GALNTL6: variants seen among roughly 807,000 people sequenced by gnomAD.
The protein encoded by GALNTL6 is polypeptide N-acetylgalactosaminyltransferase like 6.
A neutral mutation model predicts 73.7 loss-of-function variants in GALNTL6; 46 were observed. The observed-to-expected ratio is 0.62, with a 90% CI of 0.49 to 0.80. The LOEUF is 0.80. Ranked by LOEUF, GALNTL6 falls within the 30% of genes least tolerant of loss-of-function variation. The probability of loss-of-function intolerance (pLI) is 0.00; values close to 1 mark genes in which losing one functional copy is unlikely to be tolerated. For missense variants in GALNTL6, 604 were observed against 755.0 expected (o/e 0.80, Z 2.34); for synonymous variants, 259 against 263.7 (o/e 0.98, Z 0.17).
At chr4:172,999,844 G>C (rs1751967520) in intron 10 of GALNTL6, among the ~76,000 whole-genome samples, 1 of 151,712 alleles carries the variant, frequency 6.6e-6, no homozygotes, top group Admixed American at 6.6e-5. Context: ...TTGCCAATTA[G>C]AACTAGTACC....
chr4:173,032,718 C>T (rs936791996), intron 12 of GALNTL6, among the ~76,000 whole-genome samples: 4 of 152,120 alleles, frequency 2.6e-5, no homozygotes, highest in African/African-American at 9.7e-5. Context: ...TCTGTAGAAG[C>T]AGGACTACAC....
chr4:172,455,636 T>A (rs1471128209), intron 5 of GALNTL6, among the ~76,000 whole-genome samples: 2 of 152,136 alleles, frequency 1.3e-5, no homozygotes, highest in African/African-American at 4.8e-5. Context: ...GCAAAACCAC[T>A]GTAGCCAGAC....
At chr4:173,028,895 C>G (rs1011604598) in intron 12 of GALNTL6, among the ~76,000 whole-genome samples, 3 of 152,202 alleles carry the variant, frequency 2.0e-5, no homozygotes, top group African/African-American at 7.2e-5. Context: ...AGGCACCTGC[C>G]AGGCTAAATT....
intron 5 of GALNTL6, among the ~76,000 whole-genome samples, chr4:172,804,707 T>G (rs1313661535): frequency 6.6e-6 from 1 of 152,208 alleles, no homozygotes; most frequent in African/African-American, 2.4e-5. Context: ...CTTTCTAAAC[T>G]GTGACTGCAT....
intron 5 of GALNTL6, among the ~76,000 whole-genome samples, chr4:172,799,190 G>A (rs929963716): frequency 2.0e-5 from 3 of 152,184 alleles, no homozygotes; most frequent in Admixed American, 6.5e-5. Context: ...GCTAAGATGA[G>A]AAGAGATGAG....
At chr4:172,591,566 T>C (rs1031937798) in intron 5 of GALNTL6, among the ~76,000 whole-genome samples, 1 of 152,224 alleles carries the variant, frequency 6.6e-6, no homozygotes, top group Admixed American at 6.5e-5. Context: ...TTTACTGCTA[T>C]TTTTAAAATT....
At chr4:171,881,422 G>A (rs976104036) in intron 2 of GALNTL6, among the ~76,000 whole-genome samples, 1 of 152,080 alleles carries the variant, frequency 6.6e-6, no homozygotes, top group African/African-American at 2.4e-5. Flanking sequence ...TGGATCATGG[G>A]GGCAGGGAGG....
chr4:171,854,967 G>T (rs144422739), intron 2 of GALNTL6, among the ~76,000 whole-genome samples: 100 of 152,216 alleles, frequency 6.6e-4, no homozygotes, highest in African/African-American at 2.1e-3. Flanking sequence ...ACGACATCCT[G>T]GCTTTATTCT....
intron 2 of GALNTL6, among the ~76,000 whole-genome samples, chr4:171,845,612 C>T (rs978019799): frequency 2.0e-5 from 3 of 152,020 alleles, no homozygotes; most frequent in African/African-American, 7.2e-5. Flanking sequence ...AGTAGATGTG[C>T]TCTCTACAAC....
rs532113453 is a variant in GALNTL6, at chr4:172,729,981, T to A, written c.554-79380T>A. Among the ~76,000 whole-genome samples, 8 of 152,240 alleles carry A rather than the reference T, an allele frequency of 5.3e-5. No individual in the cohort carries two copies. The South Asian group carries it at 1.2e-3, about 24-fold the overall frequency. Reference sequence around the variant, plus strand: ...TAGATTGGTTCCTAAGCATTTTATATTTTTTGTAGCTATTGTCAATGGAAT... The same window carrying A: ...TAGATTGGTTCCTAAGCATTTTATAATTTTTGTAGCTATTGTCAATGGAAT... On this transcript the variant is annotated intron_variant, in intron 5 of 12. Transcript: ENST00000506823.
intron 11 of GALNTL6, among the ~76,000 whole-genome samples, chr4:173,020,480 A>T (rs1752948185): frequency 1.3e-5 from 2 of 152,196 alleles, no homozygotes; most frequent in Non-Finnish European, 2.9e-5. Context: ...TTCTGTTTCT[A>T]TTGGAATCAA....
chr4:172,535,658 C>T (rs896906728), intron 5 of GALNTL6, among the ~76,000 whole-genome samples: 1 of 152,110 alleles, frequency 6.6e-6, no homozygotes, highest in Non-Finnish European at 1.5e-5. Context: ...ATATGTACAT[C>T]TCAGTACATT....
intron 5 of GALNTL6, among the ~76,000 whole-genome samples, chr4:172,464,528 T>C (rs1348357216): frequency 6.6e-6 from 1 of 151,862 alleles, no homozygotes; most frequent in Non-Finnish European, 1.5e-5. Flanking sequence ...GCCAACATGG[T>C]GAAACCTTGT....
intron 7 of GALNTL6, among the ~76,000 whole-genome samples, chr4:172,819,939 A>G (rs898264108): frequency 6.6e-6 from 1 of 152,222 alleles, no homozygotes; most frequent in African/African-American, 2.4e-5. Context: ...AAACACGACA[A>G]TGCAGCTGGT....
intron 5 of GALNTL6, among the ~76,000 whole-genome samples, chr4:172,612,475 G>A (rs140238720): frequency 5.8e-4 from 89 of 152,170 alleles, no homozygotes; most frequent in African/African-American, 1.9e-3. Context: ...AGTTACAGCA[G>A]CAGAGCAAAA....
At position 172,995,751 on chromosome 4, in the gene GALNTL6, T is replaced by C. The variant is rs138866876; in HGVS notation, c.1372-13427T>C. On this transcript the variant is annotated intron_variant, in intron 10 of 12. Coordinates refer to ENST00000506823, the MANE Select transcript of GALNTL6 (RefSeq NM_001034845.3). ...ACTTGTTCATCTCCTAAGTTACTTC[T>C]TATAACTGTTTTAAATGCCTGCTTT... Among the ~76,000 whole-genome samples, 482 of 152,348 alleles carry C rather than the reference T, an allele frequency of 3.2e-3. 6 individuals carry two copies. The highest frequency in any genetic ancestry group is 0.011 in the African/African-American group (460 of 41,588).
chr4:172,470,159 A>C (rs1486277957), intron 5 of GALNTL6, among the ~76,000 whole-genome samples: 3 of 152,196 alleles, frequency 2.0e-5, no homozygotes, highest in African/African-American at 7.2e-5. Flanking sequence ...AGCACCAGGC[A>C]ATATGTTAAG....
chr4:171,943,766 T>A, intron 2 of GALNTL6, among the ~76,000 whole-genome samples: 1 of 152,188 alleles, frequency 6.6e-6, no homozygotes, highest in East Asian at 1.9e-4. Context: ...TCTGAGTTAA[T>A]GTTTTCCTTG....
chr4:172,042,537 C>G (rs1164877791), intron 2 of GALNTL6, among the ~76,000 whole-genome samples: 1 of 151,942 alleles, frequency 6.6e-6, no homozygotes, highest in African/African-American at 2.4e-5. Flanking sequence ...TCACAAGCTG[C>G]TCCCTTTTCT....
Sources: gnomAD v4.1 joint callset for allele counts (sites outside exome capture counted in the v4.1 genomes callset) on GRCh38, gnomAD v4.1.1 for gene constraint, MANE v1.5 for transcripts, NCBI Gene and HGNC (gene_info 2026-07-23, HGNC 2026-07-21) for gene names.